TMCC3: variants seen among roughly 807,000 people sequenced by gnomAD.
The protein encoded by TMCC3 is transmembrane and coiled-coil domain protein 3.
TMCC3 carries 28 observed loss-of-function variants against 40.2 expected under a neutral mutation model. The observed-to-expected ratio is 0.70, with a 90% CI of 0.52 to 0.95. TMCC3 has a LOEUF of 0.95. Ranked by LOEUF, TMCC3 falls within the 40% of genes least tolerant of loss-of-function variation. The pLI, the probability that TMCC3 is intolerant of heterozygous loss-of-function variation, is 0.00. For missense variants in TMCC3, 554 were observed against 615.2 expected (o/e 0.90, Z 1.05); for synonymous variants, 255 against 248.5 (o/e 1.03, Z -0.25).
intron 1 of TMCC3, among the ~76,000 whole-genome samples, chr12:94,646,547 T>A (rs1227548403): frequency 1.3e-5 from 2 of 148,514 alleles, no homozygotes; most frequent in Admixed American, 1.4e-4. Flanking sequence ...CAAGAGATTC[T>A]CCTGCCTCAG....
At position 94,626,279 on chromosome 12, in the gene TMCC3, A is replaced by T. The variant is rs111254602; in HGVS notation, c.78+24074T>A. On this transcript the variant is annotated intron_variant, in intron 1 of 3. Transcript: ENST00000261226. ...AGATGAGATTTGGTTGGGGACACAG[A>T]CAAACCGTATCATCTGCTAACAAAA... 7.0e-3 allele frequency among the ~76,000 whole-genome samples: 1,070 copies of T among 152,334 alleles called. 13 individuals carry two copies. Among genetic ancestry groups the T allele is most frequent in the African/African-American group, 0.024 (1,016 of 41,570 alleles).
At chr12:94,586,512 C>T (rs1299540419) in intron 1 of TMCC3, among the ~76,000 whole-genome samples, 1 of 152,232 alleles carries the variant, frequency 6.6e-6, no homozygotes, top group Non-Finnish European at 1.5e-5. Context: ...GTTTTGCCCT[C>T]CTGGAGCTCA....
chr12:94,574,392 C>CAAA (rs142348445), intron 3 of TMCC3, among the ~76,000 whole-genome samples: 198 of 141,976 alleles, frequency 1.4e-3, no homozygotes, highest in African/African-American at 1.3e-3. Context: ...TCTCAAAAAA[C>CAAA]AAAAAAAAAA....
At chr12:94,602,223 A>G (rs2068757287) in intron 1 of TMCC3, among the ~76,000 whole-genome samples, 1 of 152,212 alleles carries the variant, frequency 6.6e-6, no homozygotes, top group Non-Finnish European at 1.5e-5. Context: ...TCCTTTCTAC[A>G]AAACTTCTGT....
intron 1 of TMCC3, among the ~76,000 whole-genome samples, chr12:94,647,727 T>C (rs1050258462): frequency 6.6e-6 from 1 of 152,218 alleles, no homozygotes; most frequent in Non-Finnish European, 1.5e-5. Flanking sequence ...AACATATCTT[T>C]ACAGCTGCAT....
intron 1 of TMCC3, among the ~76,000 whole-genome samples, chr12:94,631,129 C>G (rs763021865): frequency 1.6e-4 from 24 of 152,170 alleles, no homozygotes; most frequent in Non-Finnish European, 3.4e-4. Flanking sequence ...ACTTCTGAAA[C>G]AAGAGCTCAC....
intron 1 of TMCC3, chr12:94,616,423 G>A (rs971100278): frequency 6.6e-6 from 1 of 152,554 alleles, no homozygotes; most frequent in Non-Finnish European, 1.5e-5. Flanking sequence ...AGAGCAAAGG[G>A]GCCAGCCAGC....
At chr12:94,578,221 A>G (rs2068578722) in intron 3 of TMCC3, among the ~76,000 whole-genome samples, 173 bp downstream of exon 3, 2 of 151,820 alleles carry the variant, frequency 1.3e-5, no homozygotes, top group East Asian at 1.9e-4. Flanking sequence ...AGTAATGTCT[A>G]TAACATGAAC....
At chr12:94,595,321 T>C (rs905892207) in intron 1 of TMCC3, among the ~76,000 whole-genome samples, 1 of 152,186 alleles carries the variant, frequency 6.6e-6, no homozygotes, top group African/African-American at 2.4e-5. Context: ...CTATGTTTAA[T>C]AGGGGGAATG....
At chr12:94,620,292 A>AT (rs985926531) in intron 1 of TMCC3, among the ~76,000 whole-genome samples, 23 of 143,622 alleles carry the variant, frequency 1.6e-4, no homozygotes, top group Non-Finnish European at 4.8e-5. Context: ...TTTAATAATT[A>AT]TTATTTTTTT....
chr12:94,599,618 G>C (rs1189791079), intron 1 of TMCC3, among the ~76,000 whole-genome samples: 1 of 143,682 alleles, frequency 7.0e-6, no homozygotes, highest in Non-Finnish European at 1.5e-5. Flanking sequence ...GTCTTACCTA[G>C]TATTTAATTT....
At chr12:94,575,964 AT>A (rs952452379) in intron 3 of TMCC3, among the ~76,000 whole-genome samples, 1 of 151,728 alleles carries the variant, frequency 6.6e-6, no homozygotes, top group African/African-American at 2.4e-5. Flanking sequence ...TAAAAAAAAA[AT>A]TTTTTTCTAA....
intron 1 of TMCC3, among the ~76,000 whole-genome samples, chr12:94,608,188 T>C (rs1021140820): frequency 6.6e-6 from 1 of 152,208 alleles, no homozygotes; most frequent in Non-Finnish European, 1.5e-5. Flanking sequence ...GGAATCAAAC[T>C]TTATATATAA....
intron 2 of TMCC3, among the ~76,000 whole-genome samples, chr12:94,579,808 C>T (rs1196731956): frequency 1.3e-5 from 2 of 152,220 alleles, no homozygotes; most frequent in Admixed American, 1.3e-4. Flanking sequence ...ACACGCGGGT[C>T]ACAAACGTAA....
intron 1 of TMCC3, among the ~76,000 whole-genome samples, chr12:94,620,326 C>T (rs1009054621): frequency 1.1e-4 from 17 of 148,376 alleles, no homozygotes; most frequent in Non-Finnish European, 1.9e-4. Flanking sequence ...CTTGCTCTGT[C>T]GCCCAGGCTG....
At chr12:94,637,432 G>T (rs564978737) in intron 1 of TMCC3, among the ~76,000 whole-genome samples, 46 of 152,190 alleles carry the variant, frequency 3.0e-4, no homozygotes, top group Non-Finnish European at 4.0e-4. Context: ...GATTGGCAAG[G>T]ATCAAAACAG....
intron 1 of TMCC3, among the ~76,000 whole-genome samples, chr12:94,631,611 T>C (rs1183455810): frequency 1.3e-5 from 2 of 152,176 alleles, no homozygotes; most frequent in East Asian, 1.9e-4. Context: ...CAGAACTGCA[T>C]GAAAATAAAT....
At chr12:94,640,432 C>A (rs2068983286) in intron 1 of TMCC3, among the ~76,000 whole-genome samples, 2 of 152,216 alleles carry the variant, frequency 1.3e-5, no homozygotes, top group African/African-American at 2.4e-5. Context: ...AATCCACCCA[C>A]CTTGGCCTCC....
At chr12:94,602,721 G>A (rs896338300) in intron 1 of TMCC3, among the ~76,000 whole-genome samples, 4 of 152,192 alleles carry the variant, frequency 2.6e-5, no homozygotes, top group South Asian at 2.1e-4. Context: ...CCAAGTAACC[G>A]AGGCTACAGG....
Sources: gnomAD v4.1 joint callset for allele counts (sites outside exome capture counted in the v4.1 genomes callset) on GRCh38, gnomAD v4.1.1 for gene constraint, MANE v1.5 for transcripts, NCBI Gene and HGNC (gene_info 2026-07-23, HGNC 2026-07-21) for gene names.